Variants in PRKD1 observed in about 807,000 individuals in gnomAD.
PRKD1 encodes serine/threonine-protein kinase D1.
PRKD1 carries 63 observed loss-of-function variants against 95.9 expected under a neutral mutation model. That is an observed-to-expected ratio of 0.66 (90% CI 0.54 to 0.81). PRKD1 has a LOEUF of 0.81. PRKD1 is among the 30% of genes least tolerant of loss of function. PRKD1 has a pLI of 0.00. For synonymous variants in PRKD1, 425 were observed against 423.1 expected (o/e 1.00, Z -0.05); for missense variants, 1,048 against 1,165.3 (o/e 0.90, Z 1.47).
At chr14:29,700,090 C>CT (rs35039906) in intron 2 of PRKD1, among the ~76,000 whole-genome samples, 32 of 148,312 alleles carry the variant, frequency 2.2e-4, no homozygotes, top group East Asian at 9.9e-4. Flanking sequence ...CTTATCCCTT[C>CT]TTTTTTTTTT....
At chr14:29,787,627 G>T (rs1889335331) in intron 1 of PRKD1, among the ~76,000 whole-genome samples, 1 of 151,838 alleles carries the variant, frequency 6.6e-6, no homozygotes, top group Non-Finnish European at 1.5e-5. Flanking sequence ...AAGGCTATTT[G>T]GTATAATATT....
At chr14:29,601,042 G>GA (rs1893498146) in intron 13 of PRKD1, among the ~76,000 whole-genome samples, 1 of 151,878 alleles carries the variant, frequency 6.6e-6, no homozygotes, top group South Asian at 2.1e-4. Context: ...GCTGAAGAGA[G>GA]AAAAAAATTA....
chr14:29,866,355 T>C (rs911857250), intron 1 of PRKD1, among the ~76,000 whole-genome samples: 4 of 152,222 alleles, frequency 2.6e-5, no homozygotes, highest in African/African-American at 4.8e-5. Context: ...TCATATACCA[T>C]TCTATACTAT....
intron 1 of PRKD1, among the ~76,000 whole-genome samples, chr14:29,769,018 G>A (rs1463440956): frequency 6.6e-6 from 1 of 152,052 alleles, no homozygotes; most frequent in Non-Finnish European, 1.5e-5. Context: ...TTCTGAAACA[G>A]AGCCAAATGT....
chr14:29,709,551 A>C (rs1885246757), intron 2 of PRKD1, among the ~76,000 whole-genome samples: 1 of 152,188 alleles, frequency 6.6e-6, no homozygotes, highest in Non-Finnish European at 1.5e-5. Flanking sequence ...ATGCAGATAC[A>C]TAAAAAGATT....
At chr14:29,629,572 A>G (rs534217522) in intron 10 of PRKD1, among the ~76,000 whole-genome samples, 1 of 152,326 alleles carries the variant, frequency 6.6e-6, no homozygotes, top group Admixed American at 6.5e-5. Context: ...ATTATGACAG[A>G]TAAATGGATA....
intron 1 of PRKD1, among the ~76,000 whole-genome samples, chr14:29,762,945 T>A (rs997825469): frequency 4.0e-5 from 6 of 151,852 alleles, no homozygotes; most frequent in Non-Finnish European, 8.8e-5. Flanking sequence ...GGTTTCACCA[T>A]GTTGCCCAGG....
intron 2 of PRKD1, among the ~76,000 whole-genome samples, chr14:29,697,567 C>A (rs1019569563): frequency 6.6e-6 from 1 of 152,106 alleles, no homozygotes; most frequent in Non-Finnish European, 1.5e-5. Context: ...GTATGTTAAC[C>A]CATTGCAAAC....
intron 1 of PRKD1, among the ~76,000 whole-genome samples, chr14:29,814,779 C>T (rs1890626461): frequency 6.6e-6 from 1 of 152,168 alleles, no homozygotes. Context: ...GTTCTCTTCT[C>T]TCATTGATTC....
At position 29,660,249 on chromosome 14, in the gene PRKD1, G is replaced by A. The variant is rs551534561; in HGVS notation, c.696+3450C>T. Among the ~76,000 whole-genome samples the A allele has an allele frequency of 7.9e-5, 12 of 152,244 alleles. No individual in the cohort carries two copies. The South Asian group carries it at 1.5e-3, about 18-fold the overall frequency. On this transcript the variant is annotated intron_variant, in intron 4 of 17. Transcript: ENST00000331968. ...CATAGTTTCCGGACTCTATTTCATC[G>A]GTTAATTTTTCTGTCTTTGTGTAAC...
chr14:29,905,263 C>T (rs142306010), intron 1 of PRKD1, among the ~76,000 whole-genome samples: 422 of 152,258 alleles, frequency 2.8e-3, no homozygotes, highest in Non-Finnish European at 5.0e-3. Flanking sequence ...ACTACATCAT[C>T]AAGAGGGCCG....
At chr14:29,892,779 A>G (rs1893984807) in intron 1 of PRKD1, among the ~76,000 whole-genome samples, 2 of 152,202 alleles carry the variant, frequency 1.3e-5, no homozygotes, top group South Asian at 4.1e-4. Context: ...ATAAGAATAA[A>G]TATGAATAGT....
At chr14:29,838,454 A>T (rs1423397727) in intron 1 of PRKD1, among the ~76,000 whole-genome samples, 1 of 152,162 alleles carries the variant, frequency 6.6e-6, no homozygotes, top group Non-Finnish European at 1.5e-5. Flanking sequence ...CCAAGAAATT[A>T]GTTAGAAATA....
At chr14:29,698,469 G>T (rs1322064750) in intron 2 of PRKD1, among the ~76,000 whole-genome samples, 1 of 152,022 alleles carries the variant, frequency 6.6e-6, no homozygotes, top group Non-Finnish European at 1.5e-5. Flanking sequence ...GATACAGATT[G>T]GCCTTCTAAC....
In PRKD1 at chr14:29,820,511, T is replaced by C. The variant is rs372427800; in HGVS notation, c.265-94837A>G. ...ACTTAAGGATGAGTACGTGCTCTCC[T>C]AGCTGACAGGAAAAGTGAGAAGGGA... On this transcript the variant is annotated intron_variant, in intron 1 of 17. Transcript: ENST00000331968. 1.2e-4 allele frequency among the ~76,000 whole-genome samples: 18 copies of C among 152,326 alleles called. No homozygotes were observed. The East Asian group carries it at 3.5e-3, about 29-fold the overall frequency.
intron 1 of PRKD1, among the ~76,000 whole-genome samples, chr14:29,830,130 T>C (rs1406606218): frequency 6.6e-6 from 1 of 152,224 alleles, no homozygotes; most frequent in East Asian, 1.9e-4. Flanking sequence ...TTTGTGAATA[T>C]AGCATTTAAA....
At chr14:29,823,300 A>T (rs1426645588) in intron 1 of PRKD1, among the ~76,000 whole-genome samples, 1 of 152,220 alleles carries the variant, frequency 6.6e-6, no homozygotes, top group Non-Finnish European at 1.5e-5. Flanking sequence ...AACAAAGAAT[A>T]TCACAAAATA....
At chr14:29,895,698 A>T (rs1009063128) in intron 1 of PRKD1, among the ~76,000 whole-genome samples, 17 of 152,026 alleles carry the variant, frequency 1.1e-4, no homozygotes, top group African/African-American at 3.9e-4. Flanking sequence ...TCCTGCAAGC[A>T]CTTTAGGACT....
chr14:29,589,373 T>G (rs1357902723), intron 16 of PRKD1, among the ~76,000 whole-genome samples: 1 of 152,178 alleles, frequency 6.6e-6, no homozygotes. Context: ...GAATAAACTC[T>G]GTGGAAAACA....
Sources: gnomAD v4.1 joint callset for allele counts (sites outside exome capture counted in the v4.1 genomes callset) on GRCh38, gnomAD v4.1.1 for gene constraint, MANE v1.5 for transcripts, NCBI Gene and HGNC (gene_info 2026-07-23, HGNC 2026-07-21) for gene names.